Variants in SMYD3 observed in about 807,000 individuals in gnomAD.
SMYD3 encodes the protein histone-lysine N-methyltransferase SMYD3.
In SMYD3, 36 loss-of-function variants were observed where a neutral mutation model predicts 57.7. That is an observed-to-expected ratio of 0.62 (90% CI 0.48 to 0.82). The LOEUF (loss-of-function observed/expected upper bound fraction) is 0.82, where lower values mean the gene tolerates loss of function less well. Among genes scored for constraint, SMYD3 ranks in the 40% least tolerant of loss-of-function variants. The pLI is 0.00. For synonymous variants in SMYD3, 211 were observed against 195.0 expected, an observed-to-expected ratio of 1.08 and a Z score of -0.68; for missense variants, 515 against 538.8, an observed-to-expected ratio of 0.96 and a Z score of 0.44.
chr1:245,918,398 C>T (rs765169790), intron 7 of SMYD3, among the ~76,000 whole-genome samples: 3 of 152,250 alleles, frequency 2.0e-5, no homozygotes, highest in East Asian at 1.9e-4. Flanking sequence ...AAGAAGCTGG[C>T]GTCCCTTAAG....
intron 3 of SMYD3, among the ~76,000 whole-genome samples, chr1:246,333,014 C>T (rs1264703938): frequency 6.6e-6 from 1 of 152,188 alleles, no homozygotes; most frequent in Non-Finnish European, 1.5e-5. Flanking sequence ...AATTCAATGC[C>T]TGGCTTCAAA....
At chr1:246,491,501 T>C (rs144090999) in intron 1 of SMYD3, among the ~76,000 whole-genome samples, 5 of 149,034 alleles carry the variant, frequency 3.4e-5, no homozygotes, top group African/African-American at 7.5e-5. Flanking sequence ...GATCGCACCA[T>C]TGCACTCCAG....
intron 5 of SMYD3, among the ~76,000 whole-genome samples, chr1:246,031,169 T>G (rs2059665630): frequency 6.6e-6 from 1 of 152,124 alleles, no homozygotes; most frequent in Admixed American, 6.5e-5. Flanking sequence ...TTTATGACAC[T>G]ATTATACAGG....
chr1:245,953,763 A>G (rs1289932299), intron 5 of SMYD3, among the ~76,000 whole-genome samples: 1 of 151,810 alleles, frequency 6.6e-6, no homozygotes, highest in Non-Finnish European at 1.5e-5. Flanking sequence ...AACAACAAAA[A>G]CCCCACATGT....
intron 10 of SMYD3, among the ~76,000 whole-genome samples, chr1:245,790,344 C>A (rs1482982429): frequency 6.6e-6 from 1 of 152,194 alleles, no homozygotes; most frequent in African/African-American, 2.4e-5. Context: ...GAATGAATGA[C>A]CCTACTTGCT....
chr1:246,257,491 T>C lies in SMYD3; in HGVS notation c.531+69710A>G, dbSNP rs118179319. Among the ~76,000 whole-genome samples, 5 of 152,352 alleles carry C rather than the reference T, an allele frequency of 3.3e-5. No homozygotes were observed. In the East Asian group the frequency reaches 9.6e-4, roughly 29 times the overall value. ...AAGCCCTGCTCTTTTTTGTTATTCA[T>C]TACTTTGAGCCTGTAGGTGTTGTTA... is the stretch of plus-strand genomic sequence containing the variant. On this transcript the variant is annotated intron_variant, in intron 5 of 11. Coordinates refer to ENST00000490107, the MANE Select transcript of SMYD3 (RefSeq NM_001167740.2).
chr1:246,397,042 G>A (rs984194831), intron 1 of SMYD3, among the ~76,000 whole-genome samples: 4 of 152,276 alleles, frequency 2.6e-5, no homozygotes, highest in Admixed American at 1.3e-4. Flanking sequence ...CCTTAGGATG[G>A]GTATGCTCTT....
chr1:246,304,631 A>C (rs2064949506), intron 5 of SMYD3, among the ~76,000 whole-genome samples: 1 of 152,190 alleles, frequency 6.6e-6, no homozygotes, highest in African/African-American at 2.4e-5. Flanking sequence ...GCACTGCTAG[A>C]GTTTGGAGTT....
intron 8 of SMYD3, among the ~76,000 whole-genome samples, chr1:245,868,308 A>G (rs1207118636): frequency 6.6e-6 from 1 of 152,190 alleles, no homozygotes; most frequent in East Asian, 1.9e-4. Context: ...TCTTTCTAGT[A>G]CCTTCATGCT....
intron 7 of SMYD3, among the ~76,000 whole-genome samples, chr1:245,923,976 C>A (rs1209266298): frequency 6.6e-6 from 1 of 152,198 alleles, no homozygotes; most frequent in African/African-American, 2.4e-5. Flanking sequence ...CTGTCTTAAT[C>A]CCAAAAGACA....
chr1:246,047,716 A>C (rs1311250169), intron 5 of SMYD3, among the ~76,000 whole-genome samples: 1 of 152,092 alleles, frequency 6.6e-6, no homozygotes, highest in Non-Finnish European at 1.5e-5. Flanking sequence ...GTGTGTGCCT[A>C]TAATCCTAAC....
chr1:245,861,329 T>C (rs916972853), intron 9 of SMYD3, among the ~76,000 whole-genome samples: 2 of 152,190 alleles, frequency 1.3e-5, no homozygotes, highest in African/African-American at 4.8e-5. Flanking sequence ...GAGAACAGAT[T>C]CCTAGTGGAC....
chr1:245,858,063 T>C (rs926841370), intron 10 of SMYD3, among the ~76,000 whole-genome samples: 3 of 152,154 alleles, frequency 2.0e-5, no homozygotes, highest in Non-Finnish European at 4.4e-5. Flanking sequence ...TAAAGGACCA[T>C]TCTTACTGTC....
chr1:245,769,198 A>G (rs986554564), intron 10 of SMYD3, among the ~76,000 whole-genome samples: 1 of 152,214 alleles, frequency 6.6e-6, no homozygotes, highest in Non-Finnish European at 1.5e-5. Flanking sequence ...AAGGATGGTA[A>G]AGAATTTTAC....
chr1:246,459,861 T>C (rs571927362), intron 1 of SMYD3, among the ~76,000 whole-genome samples: 1 of 141,716 alleles, frequency 7.1e-6, no homozygotes, highest in Non-Finnish European at 1.5e-5. Context: ...AAATAAACTG[T>C]CACGTGAACT....
At chr1:246,473,263 T>C (rs1197009681) in intron 1 of SMYD3, among the ~76,000 whole-genome samples, 2 of 152,210 alleles carry the variant, frequency 1.3e-5, no homozygotes, top group Non-Finnish European at 2.9e-5. Flanking sequence ...AGTTAACTGG[T>C]TCTACATCTT....
In SMYD3 at chr1:246,214,631, T is replaced by A. The variant is rs544424367; in HGVS notation, c.531+112570A>T. 1.1e-4 allele frequency among the ~76,000 whole-genome samples: 16 copies of A among 152,294 alleles called. No homozygotes were observed. The South Asian group carries it at 2.7e-3, about 26-fold the overall frequency. On this transcript the variant is annotated intron_variant, in intron 5 of 11. Coordinates refer to ENST00000490107, the MANE Select transcript of SMYD3 (RefSeq NM_001167740.2). ...AGTAAGGCTAAGAGAGAAACCAATT[T>A]AGATCAGTGGCCTCTTTCAGGAAGA...
intron 1 of SMYD3, among the ~76,000 whole-genome samples, chr1:246,421,249 T>C (rs949087440): frequency 6.6e-6 from 1 of 150,644 alleles, no homozygotes; most frequent in Non-Finnish European, 1.5e-5. Context: ...GCTAAAGCAG[T>C]TGTACCACTT....
chr1:245,845,964 G>T (rs569863530), intron 10 of SMYD3, among the ~76,000 whole-genome samples: 2 of 152,132 alleles, frequency 1.3e-5, no homozygotes, highest in African/African-American at 4.8e-5. Flanking sequence ...CATCTCCCTC[G>T]GTCCAGGCAG....
Sources: gnomAD v4.1 joint callset for allele counts (sites outside exome capture counted in the v4.1 genomes callset) on GRCh38, gnomAD v4.1.1 for gene constraint, MANE v1.5 for transcripts, NCBI Gene and HGNC (gene_info 2026-07-23, HGNC 2026-07-21) for gene names.